The following C19orf47 variants were observed in gnomAD, a reference collection of about 807,000 sequenced individuals.
C19orf47 encodes uncharacterized protein C19orf47.
Under a neutral mutation model 32.3 loss-of-function variants are expected in C19orf47, and 18 were observed. That is an observed-to-expected ratio of 0.56 (90% CI 0.39 to 0.83). C19orf47 has a LOEUF of 0.83. C19orf47 is among the 40% of genes least tolerant of loss of function. The pLI is 0.00. For synonymous variants in C19orf47, 202 were observed against 211.1 expected (o/e 0.96, Z 0.37); for missense variants, 484 against 531.6 (o/e 0.91, Z 0.88).
At chr19:40,323,249 G>C (rs1433000309) in intron 8 of C19orf47, among the ~76,000 whole-genome samples, 2 of 152,244 alleles carry the variant, frequency 1.3e-5, no homozygotes, top group African/African-American at 2.4e-5. Context: ...GGGAGGCTCT[G>C]CAATAGTTCA....
chr19:40,318,153 G>T (rs1206673789), downstream of C19orf47, among the ~76,000 whole-genome samples: 1 of 152,216 alleles, frequency 6.6e-6, no homozygotes, highest in Non-Finnish European at 1.5e-5. Flanking sequence ...GGAGGCCGGT[G>T]AGAGAGGATC....
intron 1 of C19orf47, among the ~76,000 whole-genome samples, chr19:40,345,340 C>G (rs980388615): frequency 6.6e-6 from 1 of 152,060 alleles, no homozygotes; most frequent in Non-Finnish European, 1.5e-5. Context: ...AATTTTACCA[C>G]GTCCTAATCC....
rs1179120766 is a variant in C19orf47 at position 40,320,259 on chromosome 19, T to C, written c.*1623A>G. 1.3e-5 allele frequency: 2 copies of C among 155,100 alleles called. No homozygotes were observed. Among genetic ancestry groups the C allele is most frequent in the African/African-American group, 2.4e-5 (1 of 41,426 alleles). 9.6% of individuals were successfully genotyped at this position (155,100 alleles called of 1,614,324 possible). A position where few individuals can be genotyped will look rare whatever the true frequency, so the allele number is the denominator to read the frequency against. On this transcript the variant is annotated 3_prime_UTR_variant, in exon 9 of 9. Coordinates refer to ENST00000683109, the MANE Select transcript of C19orf47 (RefSeq NM_001256441.2). ...CTTCTCCTCACAGAAGCCAGAGCGA[T>C]GATCCTAAATGAAACTCAGCTCAGC... is the stretch of plus-strand genomic sequence containing the variant.
the C19orf47 span, among the ~76,000 whole-genome samples, chr19:40,308,660 C>T: frequency 1.3e-5 from 2 of 150,892 alleles, no homozygotes; most frequent in African/African-American, 4.9e-5. Context: ...GACAAGTTTT[C>T]GCCATGTTGG....
intron 2 of C19orf47, among the ~76,000 whole-genome samples, chr19:40,340,408 C>T (rs927061731): frequency 6.6e-6 from 1 of 152,092 alleles, no homozygotes; most frequent in Non-Finnish European, 1.5e-5. Context: ...GGCAGCCAGG[C>T]GCGGTGGCTC....
At chr19:40,307,685 A>G in the C19orf47 span, among the ~76,000 whole-genome samples, 6 of 152,302 alleles carry the variant, frequency 3.9e-5, no homozygotes, top group African/African-American at 1.4e-4. Context: ...ATTAGGTATC[A>G]ACACTGTATG....
chr19:40,312,779 G>A, the C19orf47 span, among the ~76,000 whole-genome samples: 7 of 152,248 alleles, frequency 4.6e-5, no homozygotes, highest in Non-Finnish European at 8.8e-5. Context: ...AAAATCACAT[G>A]AGCGCCCCCA....
At chr19:40,333,171 T>A (rs1186694974) in intron 5 of C19orf47, among the ~76,000 whole-genome samples, 1 of 151,436 alleles carries the variant, frequency 6.6e-6, no homozygotes, top group African/African-American at 2.4e-5. Context: ...GGCAGGAGGA[T>A]CGCTTGAACC....
At chr19:40,324,856 C>T (rs55860305) in intron 7 of C19orf47, among the ~76,000 whole-genome samples, 1,765 of 152,006 alleles carry the variant, frequency 0.012, 41 homozygotes, top group African/African-American at 0.04. Context: ...TCTATAGTCC[C>T]TGCTACTGGG....
rs1316591626 is a variant in C19orf47 at position 40,337,320 on chromosome 19, T to TTATTATTATTATTATTAC, written c.20-914_20-913insGTAATAATAATAATAATA. Among the ~76,000 whole-genome samples, 5 of 149,342 alleles carry TTATTATTATTATTATTAC rather than the reference T, an allele frequency of 3.3e-5. No homozygotes were observed. The East Asian group carries it at 7.8e-4, about 23-fold the overall frequency. On this transcript the variant is annotated intron_variant, in intron 2 of 8. Coordinates refer to ENST00000683109, the MANE Select transcript of C19orf47 (RefSeq NM_001256441.2). ...ATTATTATTATTATTATTATTATTA[T>TTATTATTATTATTATTAC]TACTATTACTCCCATCACCACTAAA...
the C19orf47 span, among the ~76,000 whole-genome samples, chr19:40,293,498 C>T: frequency 2.0e-5 from 3 of 151,466 alleles, no homozygotes; most frequent in African/African-American, 7.3e-5. Flanking sequence ...CAGAGTCTTG[C>T]TCTGTTGCCC....
downstream of C19orf47, among the ~76,000 whole-genome samples, chr19:40,316,351 C>A (rs2077661996): frequency 6.6e-6 from 1 of 152,202 alleles, no homozygotes; most frequent in Non-Finnish European, 1.5e-5. Context: ...GGGCGACCAT[C>A]CACACAGAAT....
downstream of C19orf47, among the ~76,000 whole-genome samples, chr19:40,317,675 G>A (rs1487192701): frequency 6.7e-6 from 1 of 148,788 alleles, no homozygotes; most frequent in African/African-American, 2.5e-5. Context: ...AGGTTGGTGC[G>A]GACATCTACA....
intron 1 of C19orf47, among the ~76,000 whole-genome samples, chr19:40,344,427 C>T (rs574608975): frequency 8.6e-5 from 13 of 151,454 alleles, no homozygotes; most frequent in African/African-American, 1.5e-4. Context: ...TGCAGTGGGC[C>T]GAGATCACAC....
chr19:40,311,248 G>A, the C19orf47 span, among the ~76,000 whole-genome samples: 144 of 152,086 alleles, frequency 9.5e-4, no homozygotes, highest in Middle Eastern at 3.4e-3. Context: ...GCATGGTGGC[G>A]CATGCCTGTA....
chr19:40,333,886 C>A lies in C19orf47; in HGVS notation c.266G>T (p.Ser89Ile), dbSNP rs115205691. ...ACGGCGAATTTCGCCTGCAAGGGGG[C>A]TAGGGCTGCAGGGTACTGACTCAGT... ...AATESVPCSPSPLAGEIRRGT... is the reference protein window; with the variant it reads ...AATESVPCSPIPLAGEIRRGT... The change falls in exon 5 of 9, where the codon AGC becomes ATC. Residue 89 changes from serine to isoleucine, a missense_variant. Physicochemically the swap from Ser to Ile is moderately radical, Grantham distance 142. This residue lies in a region of C19orf47 where 376 missense variants were observed against 370.2 expected (regional missense o/e 1.02). Transcript: ENST00000683109. 3.4e-4 allele frequency: 543 copies of A among 1,580,548 alleles called. 4 individuals carry two copies. The South Asian group carries it at 5.9e-3, about 17-fold the overall frequency.
downstream of C19orf47, among the ~76,000 whole-genome samples, chr19:40,319,337 TCA>T (rs974423267): frequency 6.6e-6 from 1 of 152,106 alleles, no homozygotes; most frequent in Non-Finnish European, 1.5e-5. Context: ...AGGTATATTT[TCA>T]CACAATGAAA....
chr19:40,319,029 T>C (rs546575070), downstream of C19orf47, among the ~76,000 whole-genome samples: 434 of 152,190 alleles, frequency 2.9e-3, 1 homozygote, highest in African/African-American at 9.8e-3. Flanking sequence ...CCCAGCACTT[T>C]GGGAGGCTGA....
At chr19:40,296,478 C>T in the C19orf47 span, among the ~76,000 whole-genome samples, 3 of 150,942 alleles carry the variant, frequency 2.0e-5, no homozygotes, top group Admixed American at 6.6e-5. Flanking sequence ...GATGGGGTTT[C>T]GCCACATTGA....
Sources: allele counts gnomAD v4.1 joint callset (sites outside exome capture counted in the v4.1 genomes callset), GRCh38; gene constraint gnomAD v4.1.1; regional missense constraint gnomAD v4.1.1; transcripts MANE v1.5; gene names NCBI Gene and HGNC (gene_info 2026-07-23, HGNC 2026-07-21).